The following HMGN1 variants were observed in gnomAD, a reference collection of about 807,000 sequenced individuals.
HMGN1 encodes the protein non-histone chromosomal protein HMG-14.
In HMGN1, 9 loss-of-function variants were observed where a neutral mutation model predicts 18.4. The observed-to-expected ratio is 0.49, with a 90% confidence interval of 0.29 to 0.85. The LOEUF (loss-of-function observed/expected upper bound fraction) is 0.85, where lower values mean the gene tolerates loss of function less well. Among genes scored for constraint, HMGN1 ranks in the 40% least tolerant of loss-of-function variants. The pLI is 0.07. For missense variants in HMGN1, 151 were observed against 119.2 expected (o/e 1.27, Z -1.24); for synonymous variants, 59 against 45.0 (o/e 1.31, Z -1.24).
chr21:39,347,475 C>G, intron 4 of HMGN1: 4 of 1,286,770 alleles, frequency 3.1e-6, no homozygotes, highest in Non-Finnish European at 4.1e-6. Context: ...TGCTAAACTT[C>G]TACCTACACT....
intron 4 of HMGN1, chr21:39,346,591 CA>C (rs1230939030): frequency 6.6e-6 from 1 of 152,292 alleles, no homozygotes; most frequent in Non-Finnish European, 1.5e-5. Flanking sequence ...TCAAGTTTCC[CA>C]AAGTATAATG....
chr21:39,347,349 TA>T, intron 4 of HMGN1: 2 of 1,072,422 alleles, frequency 1.9e-6, no homozygotes, highest in South Asian at 3.5e-5. Context: ...AAATTTAAAT[TA>T]AAAAAGAAAA....
chr21:39,348,172 T>C lies in HMGN1; in HGVS notation c.126+120A>G, dbSNP rs192074963. On this transcript the variant is annotated intron_variant, in intron 4 of 5. Coordinates refer to ENST00000380749, the MANE Select transcript of HMGN1 (RefSeq NM_004965.7). ...TTTGCCTCGACCACTAGAAAAATTATTTACCGTAATTATTAAAGTATAAAT... is the reference window on the plus strand; with the variant it reads ...TTTGCCTCGACCACTAGAAAAATTACTTACCGTAATTATTAAAGTATAAAT... 26 of 1,322,170 alleles carry C rather than the reference T, an allele frequency of 2.0e-5. No homozygotes were observed. The East Asian group carries it at 2.6e-4, about 13-fold the overall frequency. The allele number at this position is 1,322,170 out of a possible 1,614,324, so 81.9% of individuals were successfully genotyped here. A position where few individuals can be genotyped will look rare whatever the true frequency, so the allele number is the denominator to read the frequency against.
chr21:39,346,017 A>C, intron 4 of HMGN1: 7 of 1,107,612 alleles, frequency 6.3e-6, no homozygotes, highest in Non-Finnish European at 8.6e-6. Context: ...TTCAAAATTT[A>C]AGCCATGTTA....
In HMGN1 at chr21:39,348,588, G is replaced by T; in HGVS notation, c.16-11C>A. ...TTCGGCGGAGCTGACCTGCGGAGACGGAGACGCACGAATAGAGGCGGGCCG... is the reference window on the plus strand; with the variant it reads ...TTCGGCGGAGCTGACCTGCGGAGACTGAGACGCACGAATAGAGGCGGGCCG... On this transcript the variant is annotated splice_polypyrimidine_tract_variant and intron_variant, in intron 1 of 5. Coordinates refer to ENST00000380749, the MANE Select transcript of HMGN1 (RefSeq NM_004965.7). The T allele has an allele frequency of 1.3e-6, 2 of 1,593,856 alleles. No homozygotes were observed. Among genetic ancestry groups the T allele is most frequent in the Non-Finnish European group, 1.7e-6 (2 of 1,171,400 alleles).
intron 5 of HMGN1, chr21:39,344,589 C>T (rs1288831327): frequency 6.6e-6 from 1 of 152,524 alleles, no homozygotes; most frequent in Non-Finnish European, 1.5e-5. Flanking sequence ...CTGTTACAGA[C>T]TTCTTTGTTC....
At chr21:39,344,348 G>A (rs909774697) in intron 5 of HMGN1, among the ~76,000 whole-genome samples, 1 of 150,796 alleles carries the variant, frequency 6.6e-6, no homozygotes, top group African/African-American at 2.4e-5. Context: ...TTAGGAATAA[G>A]TAGTTTATAA....
chr21:39,349,079 AGAACCGGATG>A, exon 1 of HMGN1: 1 of 810,114 alleles, frequency 1.2e-6, no homozygotes, highest in Non-Finnish European at 1.6e-6. Context: ...GGGCGGTGGG[AGAACCGGATG>A]GAACCGGATT....
At chr21:39,343,511 A>G (rs947142802) in intron 5 of HMGN1, among the ~76,000 whole-genome samples, 1 of 152,098 alleles carries the variant, frequency 6.6e-6, no homozygotes, top group African/African-American at 2.4e-5. Context: ...TTTACTGATG[A>G]TTTTGTTGTT....
At chr21:39,346,280 T>G in intron 4 of HMGN1, 1 of 260,588 alleles carries the variant, frequency 3.8e-6, no homozygotes, top group East Asian at 1.1e-4. Context: ...ATAGTAGGAT[T>G]CCACAGACAG....
Position 39,345,138 on chromosome 21 carries a change from C to CACACACACACA in HMGN1, c.255+7_255+8insTGTGTGTGTGT, listed in dbSNP as rs10529119. The CACACACACACA allele has an allele frequency of 4.5e-6, 7 of 1,568,420 alleles. No individual in the cohort carries two copies. The highest frequency in any genetic ancestry group is 4.1e-5 in the African/African-American group (3 of 72,354). ...ACACACACACACACACACACACACA[C>CACACACACACA]TTCTGACCTCCTCAGTCTTCGTTTC... On this transcript the variant is annotated splice_region_variant and intron_variant, in intron 5 of 5. Transcript: ENST00000380749.
chr21:39,348,515 C>T (rs1346277019), intron 2 of HMGN1, 30 bp downstream of exon 2: 3 of 1,613,702 alleles, frequency 1.9e-6, no homozygotes, highest in Non-Finnish European at 2.5e-6. Context: ...ACGGGAAACC[C>T]ACCACCCCCC....
At chr21:39,346,208 G>C (rs541134537) in intron 4 of HMGN1, 218 of 345,320 alleles carry the variant, frequency 6.3e-4, no homozygotes, top group African/African-American at 4.4e-3. Flanking sequence ...AGACAAGCAA[G>C]TAGAGCTCAC....
chr21:39,348,477 G>A, intron 2 of HMGN1, 26 bp from the exon 3 acceptor site: 1 of 1,614,158 alleles, frequency 6.2e-7, no homozygotes, highest in Admixed American at 1.7e-5. Flanking sequence ...AGGAGAGTCA[G>A]CGAGAAGAGA....
chr21:39,347,944 A>G, intron 4 of HMGN1: 2 of 1,142,102 alleles, frequency 1.8e-6, no homozygotes, highest in Non-Finnish European at 2.1e-6. Flanking sequence ...CCTCGGTGCT[A>G]TCTTGACTCT....
chr21:39,345,848 C>G, intron 4 of HMGN1: 1 of 1,302,310 alleles, frequency 7.7e-7, no homozygotes, highest in Non-Finnish European at 1.0e-6. Context: ...AAGCACCATG[C>G]CGTACGGTCA....
At chr21:39,347,379 CTTTA>C (rs1366505095) in intron 4 of HMGN1, 6 of 1,162,132 alleles carry the variant, frequency 5.2e-6, no homozygotes, top group East Asian at 6.2e-5. Flanking sequence ...TGTTTTATAC[CTTTA>C]TTTAACAAGG....
chr21:39,347,516 A>AT lies in HMGN1; in HGVS notation c.126+775dup. 26 of 998,258 alleles carry AT rather than the reference A, an allele frequency of 2.6e-5. 1 individual carries two copies. Among genetic ancestry groups the AT allele is most frequent in the Non-Finnish European group, 3.2e-5 (23 of 712,262 alleles). The allele number at this position is 998,258 out of a possible 1,614,324, so 61.8% of individuals were successfully genotyped here. A position where few individuals can be genotyped will look rare whatever the true frequency, so the allele number is the denominator to read the frequency against. ...GAAAGAGGTGAAGGCATTAACAAAA[A>AT]TTTTTTTTGAGACTTCAAATAGCAA... On this transcript the variant is annotated intron_variant, in intron 4 of 5. Coordinates refer to ENST00000380749, the MANE Select transcript of HMGN1 (RefSeq NM_004965.7).
chr21:39,342,830 T>C lies in HMGN1; in HGVS notation c.*282A>G, dbSNP rs1254663911. ...GATATAAAAACTAACCCCCCATCTG[T>C]GGAATGTTAAGCTGACACCCGAGAC... On this transcript the variant is annotated 3_prime_UTR_variant, in exon 6 of 6. Transcript: ENST00000380749. 4 of 1,437,382 alleles carry C rather than the reference T, an allele frequency of 2.8e-6. No homozygotes were observed. Among genetic ancestry groups the C allele is most frequent in the Non-Finnish European group, 3.7e-6 (4 of 1,085,906 alleles). 89.0% of individuals were successfully genotyped at this position (1,437,382 alleles called of 1,614,324 possible).
Sources: allele counts gnomAD v4.1 joint callset (sites outside exome capture counted in the v4.1 genomes callset), GRCh38; gene constraint gnomAD v4.1.1; transcripts MANE v1.5; gene names NCBI Gene and HGNC (gene_info 2026-07-23, HGNC 2026-07-21).